PRTG: variants seen among roughly 807,000 people sequenced by gnomAD.
PRTG encodes immunoglobulin superfamily, DCC subclass, member 5.
Under a neutral mutation model 122.5 loss-of-function variants are expected in PRTG, and 67 were observed. The observed-to-expected ratio is 0.55, with a 90% CI of 0.45 to 0.67. PRTG has a LOEUF of 0.67. PRTG is among the 30% of genes least tolerant of loss of function. The probability of loss-of-function intolerance (pLI) is 0.00; values close to 1 mark genes in which losing one functional copy is unlikely to be tolerated. For synonymous variants in PRTG, 554 were observed against 501.1 expected, an observed-to-expected ratio of 1.11 and a Z score of -1.41; for missense variants, 1,435 against 1,415.4, an observed-to-expected ratio of 1.01 and a Z score of -0.22.
At chr15:55,629,371 ATATATGTGTGTGTGTGTGTG>A (rs1208621430) in intron 15 of PRTG, among the ~76,000 whole-genome samples, 16 of 35,556 alleles carry the variant, frequency 4.5e-4, no homozygotes, top group South Asian at 3.8e-3. Context: ...ATATATATAT[ATATATGTGTGTGTGTGTGTG>A]TGTGTGTGTG....
chr15:55,715,461 C>T (rs1383288044), intron 2 of PRTG, among the ~76,000 whole-genome samples: 1 of 152,104 alleles, frequency 6.6e-6, no homozygotes, highest in Non-Finnish European at 1.5e-5. Context: ...AAAGCAGGAG[C>T]GTGAAGCCCT....
In PRTG at chr15:55,740,674, G is replaced by A. The variant is rs77118243; in HGVS notation, c.105C>T (p.Cys35=). The A allele has an allele frequency of 0.052, 83,965 of 1,611,562 alleles. 2,588 individuals are homozygous for A. The highest frequency in any genetic ancestry group is 0.062 in the Non-Finnish European group (72,593 of 1,178,728). ...CTTTTACAAAAGACAGTTCGCTAAA[G>A]CACCACACTCCTATAAGGAAAAAAA... ...LLLSPLPGVW[C]FSELSFVKEP... is the part of the protein sequence containing the mutation. The change falls in exon 2 of 20, where the codon TGC becomes TGT. Residue 35 remains cysteine (C), a synonymous_variant. Transcript: ENST00000389286.
At chr15:55,674,393 A>G (rs1390842902) in intron 9 of PRTG, among the ~76,000 whole-genome samples, 1 of 152,198 alleles carries the variant, frequency 6.6e-6, no homozygotes, top group Non-Finnish European at 1.5e-5. Context: ...CTGCTATGCT[A>G]AGACTCACTT....
In PRTG at chr15:55,679,645, A is replaced by G. The variant is rs1209663185; in HGVS notation, c.974-200T>C. On this transcript the variant is annotated intron_variant, in intron 6 of 19. Transcript: ENST00000389286. Reference sequence around the variant, plus strand: ...TGTTCACTTCCTCCATGATTTCCCTATTCAGAGCATCTATATAGACACACT... The same window carrying G: ...TGTTCACTTCCTCCATGATTTCCCTGTTCAGAGCATCTATATAGACACACT... The G allele has an allele frequency of 2.2e-5, 11 of 507,398 alleles. No homozygotes were observed. In the East Asian group the frequency reaches 3.5e-4, roughly 16 times the overall value. 31.4% of individuals were successfully genotyped at this position (507,398 alleles called of 1,614,324 possible).
intron 11 of PRTG, among the ~76,000 whole-genome samples, 159 bp from the exon 12 acceptor site, chr15:55,641,367 C>T (rs2059289483): frequency 1.3e-5 from 2 of 152,224 alleles, no homozygotes; most frequent in Non-Finnish European, 2.9e-5. Context: ...AATCCACCTT[C>T]GTATGACACT....
chr15:55,695,721 A>G (rs1202173299), intron 2 of PRTG, among the ~76,000 whole-genome samples: 2 of 152,196 alleles, frequency 1.3e-5, no homozygotes, highest in African/African-American at 2.4e-5. Context: ...GCTCATGCCT[A>G]TAATCCCAGC....
At position 55,698,728 on chromosome 15, in the gene PRTG, T is replaced by C. The variant is rs2059645406; in HGVS notation, c.398-14797A>G. Among the ~76,000 whole-genome samples, 3 of 152,180 alleles carry C rather than the reference T, an allele frequency of 2.0e-5. 1 individual carries two copies. Among genetic ancestry groups the C allele is most frequent in the South Asian group, 4.2e-4 (2 of 4,814 alleles). On this transcript the variant is annotated intron_variant, in intron 2 of 19. Coordinates refer to ENST00000389286, the MANE Select transcript of PRTG (RefSeq NM_173814.6). Reference sequence around the variant, plus strand: ...GAAGAAATGATGCTCATAAGTTTCATTTAAAAACAATGTGGCAGTTTAGGT... The same window carrying C: ...GAAGAAATGATGCTCATAAGTTTCACTTAAAAACAATGTGGCAGTTTAGGT...
intron 2 of PRTG, among the ~76,000 whole-genome samples, chr15:55,713,429 A>G (rs2030471243): frequency 6.6e-6 from 1 of 152,226 alleles, no homozygotes; most frequent in Non-Finnish European, 1.5e-5. Flanking sequence ...GAGCATTCTT[A>G]TATGCATCTG....
intron 18 of PRTG, among the ~76,000 whole-genome samples, chr15:55,620,982 C>CAATAGT (rs2059163122): frequency 6.6e-6 from 1 of 152,038 alleles, no homozygotes; most frequent in Non-Finnish European, 1.5e-5. Context: ...GTACTCATTA[C>CAATAGT]CCAAATAGTA....
At chr15:55,679,638 T>C in intron 6 of PRTG, 193 bp from the exon 7 acceptor site, 1 of 512,946 alleles carries the variant, frequency 1.9e-6, no homozygotes, top group South Asian at 3.0e-5. Context: ...TCCTCCATGA[T>C]TTCCCTATTC....
chr15:55,661,756 CCCACCACCA>C (rs1185134198), intron 11 of PRTG, among the ~76,000 whole-genome samples: 1 of 152,138 alleles, frequency 6.6e-6, no homozygotes, highest in East Asian at 1.9e-4. Context: ...ATCCCACCTC[CCCACCACCA>C]TTGTCTGCTA....
At chr15:55,648,765 G>C (rs531331504) in intron 11 of PRTG, among the ~76,000 whole-genome samples, 2 of 152,158 alleles carry the variant, frequency 1.3e-5, no homozygotes, top group African/African-American at 4.8e-5. Context: ...TCTTGGATAA[G>C]TATTTGCCAT....
intron 11 of PRTG, among the ~76,000 whole-genome samples, chr15:55,664,881 C>G (rs574322669): frequency 5.7e-4 from 86 of 152,180 alleles, no homozygotes; most frequent in African/African-American, 1.9e-3. Flanking sequence ...GCCACTGCAC[C>G]TGGCAGAAAT....
intron 14 of PRTG, 131 bp downstream of exon 14, chr15:55,638,418 C>A: frequency 5.0e-6 from 3 of 594,968 alleles, no homozygotes; most frequent in South Asian, 4.4e-5. Flanking sequence ...AAAAATGAAA[C>A]AAAACAAATA....
chr15:55,708,334 C>T (rs981358769), intron 2 of PRTG, among the ~76,000 whole-genome samples: 1 of 152,094 alleles, frequency 6.6e-6, no homozygotes, highest in Admixed American at 6.5e-5. Flanking sequence ...CCAGGCCAGG[C>T]GCAGTGGCTC....
intron 11 of PRTG, among the ~76,000 whole-genome samples, chr15:55,668,081 G>A (rs998335234): frequency 2.6e-5 from 4 of 152,188 alleles, no homozygotes; most frequent in Middle Eastern, 3.4e-3. Flanking sequence ...GTGAGATTAC[G>A]TCTCAAATAA....
intron 1 of PRTG, chr15:55,742,515 CG>C (rs1567124138): frequency 7.0e-6 from 2 of 283,784 alleles, no homozygotes; most frequent in African/African-American, 4.4e-5. Context: ...CGGCCGGAGC[CG>C]GGACAATGGC....
At position 55,708,034 on chromosome 15, in the gene PRTG, G is replaced by A. The variant is rs143353022; in HGVS notation, c.398-24103C>T. 3.9e-3 allele frequency among the ~76,000 whole-genome samples: 584 copies of A among 151,232 alleles called. 4 individuals carry two copies. Among genetic ancestry groups the A allele is most frequent in the African/African-American group, 7.9e-3 (327 of 41,184 alleles). ...GCCACAAAGGCAATGTTTTTCAACC[G>A]TCTCTTCTGTGATGGACACTCCTTT... is the stretch of plus-strand genomic sequence containing the variant. On this transcript the variant is annotated intron_variant, in intron 2 of 19. Transcript: ENST00000389286.
At chr15:55,641,935 G>A (rs1054749512) in intron 11 of PRTG, among the ~76,000 whole-genome samples, 8 of 152,094 alleles carry the variant, frequency 5.3e-5, no homozygotes, top group South Asian at 2.1e-4. Flanking sequence ...AGCACTTTGG[G>A]AGGCCGAGGC....
Sources: gnomAD v4.1 joint callset for allele counts (sites outside exome capture counted in the v4.1 genomes callset) on GRCh38, gnomAD v4.1.1 for gene constraint, MANE v1.5 for transcripts, NCBI Gene and HGNC (gene_info 2026-07-23, HGNC 2026-07-21) for gene names.